BBS5: variants seen among roughly 807,000 people sequenced by gnomAD.
BBS5 encodes the protein BBSome complex member BBS5.
A neutral mutation model predicts 50.2 loss-of-function variants in BBS5; 39 were observed. That is an observed-to-expected ratio of 0.78 (90% CI 0.60 to 1.01). BBS5 has a LOEUF of 1.01. Ranked by LOEUF, BBS5 falls within the 50% of genes least tolerant of loss-of-function variation. The probability of loss-of-function intolerance (pLI) is 0.00; values close to 1 mark genes in which losing one functional copy is unlikely to be tolerated. For missense variants in BBS5, 356 were observed against 401.5 expected (o/e 0.89, Z 0.97); for synonymous variants, 134 against 133.1 (o/e 1.01, Z -0.05).
chr2:169,499,204 C>A, intron 8 of BBS5: 1 of 364,672 alleles, frequency 2.7e-6, no homozygotes, highest in Non-Finnish European at 5.0e-6. Flanking sequence ...AATAAGCCTG[C>A]GTTGGGGGAA....
rs1683876665 is a variant in BBS5 at position 169,504,904 on chromosome 2, C to T, written c.*322C>T. On this transcript the variant is annotated 3_prime_UTR_variant, in exon 12 of 12. Coordinates refer to ENST00000295240, the MANE Select transcript of BBS5 (RefSeq NM_152384.3). ...ACGCCCGGCTGCAAATTCGCCCAGC[C>T]AATGGGGACGTTGCGGCCCAGTGGG... 9.3e-6 allele frequency: 15 copies of T among 1,613,786 alleles called. No homozygotes were observed. Among genetic ancestry groups the T allele is most frequent in the Middle Eastern group, 1.7e-4 (1 of 6,058 alleles).
chr2:169,491,091 C>A (rs556738202), intron 5 of BBS5, among the ~76,000 whole-genome samples: 1 of 152,202 alleles, frequency 6.6e-6, no homozygotes, highest in African/African-American at 2.4e-5. Context: ...GGGTTTTTTA[C>A]TTTTTAGCCA....
At chr2:169,496,214 T>C (rs997147979) in intron 7 of BBS5, among the ~76,000 whole-genome samples, 10 of 152,218 alleles carry the variant, frequency 6.6e-5, no homozygotes, top group African/African-American at 2.4e-4. Context: ...GTGTGACTTC[T>C]ACAGGCCCTA....
intron 2 of BBS5, among the ~76,000 whole-genome samples, chr2:169,483,945 C>T (rs554835910): frequency 6.6e-6 from 1 of 152,294 alleles, no homozygotes; most frequent in African/African-American, 2.4e-5. Context: ...TAGAAAGTCT[C>T]ATACAGATTG....
chr2:169,485,695 C>A (rs897756143), intron 2 of BBS5, among the ~76,000 whole-genome samples: 1 of 152,200 alleles, frequency 6.6e-6, no homozygotes, highest in Admixed American at 6.5e-5. Context: ...TTCTTCTCCA[C>A]CCTTTTCCCC....
chr2:169,503,745 T>G (rs1683850134), intron 10 of BBS5, among the ~76,000 whole-genome samples: 1 of 152,250 alleles, frequency 6.6e-6, no homozygotes, highest in African/African-American at 2.4e-5. Context: ...TCATTTAACT[T>G]ATAGCCAAAA....
At chr2:169,485,925 C>G (rs899929838) in intron 2 of BBS5, among the ~76,000 whole-genome samples, 5 of 152,232 alleles carry the variant, frequency 3.3e-5, no homozygotes, top group Non-Finnish European at 5.9e-5. Context: ...TCATGAACTG[C>G]TGCTCCCTCT....
At chr2:169,502,226 A>C (rs544799225) in intron 9 of BBS5, among the ~76,000 whole-genome samples, 10 of 152,254 alleles carry the variant, frequency 6.6e-5, no homozygotes, top group African/African-American at 2.4e-4. Flanking sequence ...GCTGTTTGTC[A>C]TTCACTGCTC....
intron 2 of BBS5, among the ~76,000 whole-genome samples, chr2:169,486,717 A>G (rs1559121847): frequency 6.6e-6 from 1 of 152,170 alleles, no homozygotes; most frequent in East Asian, 1.9e-4. Flanking sequence ...TAATTATCCT[A>G]TATTCATTCT....
At chr2:169,486,006 A>ATGCT (rs1313566136) in intron 2 of BBS5, among the ~76,000 whole-genome samples, 2 of 152,236 alleles carry the variant, frequency 1.3e-5, no homozygotes, top group Non-Finnish European at 2.9e-5. Flanking sequence ...TGACTGAAGG[A>ATGCT]TGCTATACCT....
At chr2:169,498,416 TTGAG>T (rs1329864176) in intron 8 of BBS5, among the ~76,000 whole-genome samples, 3 of 152,250 alleles carry the variant, frequency 2.0e-5, no homozygotes, top group Non-Finnish European at 4.4e-5. Flanking sequence ...CTGCCATTTA[TTGAG>T]TATTTACTCT....
Position 169,503,127 on chromosome 2 carries a change from A to G in BBS5, c.849A>G (p.Gln283=), listed in dbSNP as rs1423074341. Residue 283 remains glutamine (Q), a synonymous_variant, in exon 10 of 12, where the codon CAA becomes CAG. Coordinates refer to ENST00000295240, the MANE Select transcript of BBS5 (RefSeq NM_152384.3). The part of the protein sequence containing the change: ...PQPLEALTVE[Q]IQDDVEIDSD... Reference sequence around the variant, plus strand: ...CGCTCGAAGCTCTGACAGTCGAACAAATTCAAGATGATGTAGAAATAGACT... The same window carrying G: ...CGCTCGAAGCTCTGACAGTCGAACAGATTCAAGATGATGTAGAAATAGACT... 6.2e-7 allele frequency: 1 copy of G among 1,614,052 alleles called. No individual in the cohort carries two copies. The highest frequency in any genetic ancestry group is 1.7e-5 in the Admixed American group (1 of 60,026).
Position 169,479,520 on chromosome 2 carries a change from C to G in BBS5, c.-34C>G. 3.1e-6 allele frequency: 5 copies of G among 1,613,178 alleles called. No homozygotes were observed. The highest frequency in any genetic ancestry group is 4.2e-6 in the Non-Finnish European group (5 of 1,179,178). ...GAGAGACGCAGCTAGGCCTGCACGG[C>G]TGTGGAGAGATCCTGCCACGGGCCT... On this transcript the variant is annotated 5_prime_UTR_variant, in exon 1 of 12. Transcript: ENST00000295240.
intron 10 of BBS5, among the ~76,000 whole-genome samples, chr2:169,503,952 G>A (rs1469690966): frequency 6.6e-6 from 1 of 152,154 alleles, no homozygotes; most frequent in Non-Finnish European, 1.5e-5. Context: ...ATGTAGGGAA[G>A]AAATTGTATA....
intron 6 of BBS5, among the ~76,000 whole-genome samples, chr2:169,493,520 T>C (rs1683639758): frequency 6.6e-6 from 1 of 152,182 alleles, no homozygotes; most frequent in African/African-American, 2.4e-5. Flanking sequence ...TTCCCTATGG[T>C]CAGACAGTTG....
chr2:169,489,925 G>A lies in BBS5; in HGVS notation c.386+1811G>A, dbSNP rs180695207. Among the ~76,000 whole-genome samples the A allele has an allele frequency of 2.3e-3, 283 of 123,104 alleles. 7 individuals carry two copies. The highest frequency in any genetic ancestry group is 6.8e-4 in the Non-Finnish European group (43 of 63,218). The allele number at this position is 123,104 out of a possible 152,430, so 80.8% of individuals were successfully genotyped here. A position where few individuals can be genotyped will look rare whatever the true frequency, so the allele number is the denominator to read the frequency against. On this transcript the variant is annotated intron_variant, in intron 5 of 11. Coordinates refer to ENST00000295240, the MANE Select transcript of BBS5 (RefSeq NM_152384.3). The stretch of plus-strand genomic sequence containing the variant: ...GAGTCTTGCTCTGTTGCCCAGGCTG[G>A]GGTGCAGCTGCTATCTCAGCTCACT...
intron 7 of BBS5, among the ~76,000 whole-genome samples, chr2:169,496,654 G>A (rs903006324): frequency 6.6e-6 from 1 of 152,024 alleles, no homozygotes; most frequent in Non-Finnish European, 1.5e-5. Context: ...CGGATCACAA[G>A]GTCAGGAGAT....
At chr2:169,483,626 C>T (rs773625930) in intron 2 of BBS5, among the ~76,000 whole-genome samples, 1 of 151,972 alleles carries the variant, frequency 6.6e-6, no homozygotes, top group East Asian at 1.9e-4. Flanking sequence ...GTTGAAGACA[C>T]CAGAGGAAAT....
chr2:169,504,583 T>C lies in BBS5; in HGVS notation c.*1T>C. On this transcript the variant is annotated 3_prime_UTR_variant, in exon 12 of 12. Transcript: ENST00000295240. Reference sequence around the variant, plus strand: ...GGGACTTTGGGAAGTAATGAGTTGATTGACCTTGAGTTGAGATGGATTTCT... The same window carrying C: ...GGGACTTTGGGAAGTAATGAGTTGACTGACCTTGAGTTGAGATGGATTTCT... 1 of 1,600,840 alleles carries C rather than the reference T, an allele frequency of 6.2e-7. No individual in the cohort carries two copies. Among genetic ancestry groups the C allele is most frequent in the Non-Finnish European group, 8.6e-7 (1 of 1,167,866 alleles).
Sources: allele counts gnomAD v4.1 joint callset (sites outside exome capture counted in the v4.1 genomes callset), GRCh38; gene constraint gnomAD v4.1.1; transcripts MANE v1.5; gene names NCBI Gene and HGNC (gene_info 2026-07-23, HGNC 2026-07-21).